The following CLSTN2 variants were observed in gnomAD, a reference collection of about 807,000 sequenced individuals.
CLSTN2 encodes calsyntenin 2.
A neutral mutation model predicts 101.2 loss-of-function variants in CLSTN2; 48 were observed. The ratio of observed to expected loss-of-function variants is 0.47; its 90% confidence interval spans 0.38 to 0.60. The LOEUF is 0.60. CLSTN2 is among the 20% of genes least tolerant of loss of function. The pLI is 0.00. For synonymous variants in CLSTN2, 481 were observed against 463.6 expected (o/e 1.04, Z -0.48); for missense variants, 1,160 against 1,238.2 (o/e 0.94, Z 0.95).
At chr3:140,148,406 C>T (rs2009813733) in intron 1 of CLSTN2, among the ~76,000 whole-genome samples, 1 of 152,198 alleles carries the variant, frequency 6.6e-6, no homozygotes, top group African/African-American at 2.4e-5. Flanking sequence ...TGTTCGAAGT[C>T]ATTACTCACT....
intron 5 of CLSTN2, among the ~76,000 whole-genome samples, chr3:140,439,896 TTA>T (rs1329496682): frequency 6.6e-6 from 1 of 152,222 alleles, no homozygotes; most frequent in Non-Finnish European, 1.5e-5. Context: ...GTGTGCATGT[TTA>T]TATGTCTGGG....
rs1935011928 is a variant in CLSTN2, at chr3:139,935,912, T to C, written c.109+429T>C. ...AAGGAGGGAGCCGAGCTGTGACTTGTCTCCCAGCTCGGGGATGGAGTGGAA... is the reference window on the plus strand; with the variant it reads ...AAGGAGGGAGCCGAGCTGTGACTTGCCTCCCAGCTCGGGGATGGAGTGGAA... On this transcript the variant is annotated intron_variant, in intron 1 of 16. Transcript: ENST00000458420. The surrounding 1 kb of genome is among the most constrained non-coding windows in gnomAD (Gnocchi z 5.5). 6.6e-6 allele frequency among the ~76,000 whole-genome samples: 1 copy of C among 152,000 alleles called. No individual in the cohort carries two copies. Among genetic ancestry groups the C allele is most frequent in the African/African-American group, 2.4e-5 (1 of 41,480 alleles).
Position 140,573,813 on chromosome 3 carries a change from A to G in CLSTN2, c.*7560A>G, listed in dbSNP as rs977575857. Reference sequence around the variant, plus strand: ...AGCAGTCTTTTCAGAGTCCTCCTGAATGGCCCAAAGACACCCCTGTTTCTG... The same window carrying G: ...AGCAGTCTTTTCAGAGTCCTCCTGAGTGGCCCAAAGACACCCCTGTTTCTG... On this transcript the variant is annotated 3_prime_UTR_variant, in exon 17 of 17. Coordinates refer to ENST00000458420, the MANE Select transcript of CLSTN2 (RefSeq NM_022131.3). 20 of 152,324 alleles carry G rather than the reference A, an allele frequency of 1.3e-4. No individual in the cohort carries two copies. Among genetic ancestry groups the G allele is most frequent in the African/African-American group, 4.6e-4 (19 of 41,562 alleles). The allele number at this position is 152,324 out of a possible 1,614,324, so 9.4% of individuals were successfully genotyped here. A position where few individuals can be genotyped will look rare whatever the true frequency, so the allele number is the denominator to read the frequency against.
chr3:140,519,988 G>A (rs1433290305), intron 8 of CLSTN2, among the ~76,000 whole-genome samples: 1 of 152,214 alleles, frequency 6.6e-6, no homozygotes, highest in Admixed American at 6.5e-5. Flanking sequence ...AGGAGCTCTT[G>A]CAAGGCTGGC....
At chr3:140,284,419 A>G (rs536729687) in intron 2 of CLSTN2, among the ~76,000 whole-genome samples, 2 of 152,272 alleles carry the variant, frequency 1.3e-5, no homozygotes, top group South Asian at 4.1e-4. Context: ...GGTGTTCCAC[A>G]TATATAATGT....
chr3:140,493,191 T>C (rs2107758449), intron 8 of CLSTN2, among the ~76,000 whole-genome samples: 1 of 152,326 alleles, frequency 6.6e-6, no homozygotes, highest in African/African-American at 2.4e-5. Context: ...CCTTTAATTA[T>C]TCCATTCTCT....
Position 140,097,833 on chromosome 3 carries a change from G to A in CLSTN2, c.110-78118G>A, listed in dbSNP as rs531088223. Among the ~76,000 whole-genome samples, 37 of 152,288 alleles carry A rather than the reference G, an allele frequency of 2.4e-4. No homozygotes were observed. The Middle Eastern group carries it at 0.01, about 42-fold the overall frequency. On this transcript the variant is annotated intron_variant, in intron 1 of 16. Transcript: ENST00000458420. ...GATTTAAGATTAGGAGATAAAGAAT[G>A]TAATTATTTCCCCCAAATGCAAATG...
At chr3:140,227,441 A>T (rs565968213) in intron 2 of CLSTN2, among the ~76,000 whole-genome samples, 2 of 152,204 alleles carry the variant, frequency 1.3e-5, no homozygotes, top group Non-Finnish European at 2.9e-5. Flanking sequence ...TTCACAGGGT[A>T]CAGCTTCCCT....
intron 2 of CLSTN2, among the ~76,000 whole-genome samples, chr3:140,353,102 A>G (rs2087628484): frequency 6.6e-6 from 1 of 152,096 alleles, no homozygotes; most frequent in African/African-American, 2.4e-5. Flanking sequence ...CTTAAAGCAT[A>G]CAGGAGGATG....
chr3:140,142,707 C>A (rs1406801422), intron 1 of CLSTN2, among the ~76,000 whole-genome samples: 1 of 152,148 alleles, frequency 6.6e-6, no homozygotes, highest in Non-Finnish European at 1.5e-5. Flanking sequence ...GCTGTTGGGT[C>A]CTTTCGTGAC....
At chr3:140,537,103 C>A (rs1390315964) in intron 9 of CLSTN2, among the ~76,000 whole-genome samples, 5 of 152,190 alleles carry the variant, frequency 3.3e-5, no homozygotes, top group Admixed American at 2.6e-4. Flanking sequence ...TCTGTGTGAA[C>A]CTTTAATTGC....
At chr3:140,535,696 G>A (rs568739257) in intron 9 of CLSTN2, among the ~76,000 whole-genome samples, 1 of 152,228 alleles carries the variant, frequency 6.6e-6, no homozygotes, top group African/African-American at 2.4e-5. Context: ...TACACATGGG[G>A]TGTTCACAGT....
chr3:140,484,976 C>T (rs1036450710), intron 8 of CLSTN2, among the ~76,000 whole-genome samples: 11 of 152,174 alleles, frequency 7.2e-5, no homozygotes, highest in Non-Finnish European at 1.5e-4. Flanking sequence ...AATCATTCTC[C>T]GTCCAGCTTT....
chr3:140,502,240 G>C (rs775153445), intron 8 of CLSTN2, among the ~76,000 whole-genome samples: 1 of 152,206 alleles, frequency 6.6e-6, no homozygotes, highest in Non-Finnish European at 1.5e-5. Context: ...AGCACTGTCT[G>C]ACCTGAAAGT....
At chr3:140,260,037 TG>T (rs1266098336) in intron 2 of CLSTN2, among the ~76,000 whole-genome samples, 2 of 151,632 alleles carry the variant, frequency 1.3e-5, no homozygotes, top group Admixed American at 6.6e-5. Flanking sequence ...ACCTGGGTGA[TG>T]AAATCAGTTG....
At position 140,132,216 on chromosome 3, in the gene CLSTN2, G is replaced by A. The variant is rs554020702; in HGVS notation, c.110-43735G>A. On this transcript the variant is annotated intron_variant, in intron 1 of 16. Coordinates refer to ENST00000458420, the MANE Select transcript of CLSTN2 (RefSeq NM_022131.3). ...TGTAAAAGACTCCTGACTTTAAGGGGAAATGCCTTCCTCTGATTTCTATGA... is the reference window on the plus strand; with the variant it reads ...TGTAAAAGACTCCTGACTTTAAGGGAAAATGCCTTCCTCTGATTTCTATGA... Among the ~76,000 whole-genome samples, 109 of 152,276 alleles carry A rather than the reference G, an allele frequency of 7.2e-4. 1 individual carries two copies. The South Asian group carries it at 0.022, about 30-fold the overall frequency.
chr3:140,385,447 T>C (rs12494858), intron 2 of CLSTN2, among the ~76,000 whole-genome samples: 65,778 of 147,118 alleles, frequency 0.45, 16,095 homozygotes, highest in South Asian at 0.61. Flanking sequence ...CGACTCGCTG[T>C]AAACTCCTCC....
chr3:139,970,670 G>C (rs1935681285), intron 1 of CLSTN2, among the ~76,000 whole-genome samples: 1 of 152,170 alleles, frequency 6.6e-6, no homozygotes, highest in Non-Finnish European at 1.5e-5. Flanking sequence ...TGGGCCCTCT[G>C]CCCCTGCAGA....
At chr3:140,169,841 A>AG (rs1576453557) in intron 1 of CLSTN2, among the ~76,000 whole-genome samples, 1 of 152,258 alleles carries the variant, frequency 6.6e-6, no homozygotes, top group African/African-American at 2.4e-5. Context: ...GAGATGGGGT[A>AG]GGGGGAGTTA....
Sources: gnomAD v4.1 joint callset for allele counts (sites outside exome capture counted in the v4.1 genomes callset) on GRCh38, gnomAD v4.1.1 for gene constraint, Gnocchi (gnomAD v3.1) non-coding constraint, MANE v1.5 for transcripts, NCBI Gene and HGNC (gene_info 2026-07-23, HGNC 2026-07-21) for gene names.